ZNF438: variants seen among roughly 807,000 people sequenced by gnomAD.
ZNF438 encodes zinc finger protein 438.
A neutral mutation model predicts 38.0 loss-of-function variants in ZNF438; 25 were observed. The observed-to-expected ratio is 0.66, with a 90% CI of 0.48 to 0.92. The LOEUF is 0.92. ZNF438 is among the 40% of genes least tolerant of loss of function. The probability of loss-of-function intolerance (pLI) is 0.00; values close to 1 mark genes in which losing one functional copy is unlikely to be tolerated. For synonymous variants in ZNF438, 372 were observed against 364.1 expected, an observed-to-expected ratio of 1.02 and a Z score of -0.25; for missense variants, 1,007 against 999.6, an observed-to-expected ratio of 1.01 and a Z score of -0.10.
chr10:30,894,011 A>G (rs77353954), intron 3 of ZNF438, among the ~76,000 whole-genome samples: 7,359 of 152,326 alleles, frequency 0.048, 241 homozygotes, highest in Middle Eastern at 0.075. Flanking sequence ...GTACTGTTGC[A>G]CACAGCAAAA....
intron 1 of ZNF438, among the ~76,000 whole-genome samples, chr10:31,018,716 G>GAGAGAGATAGGCAA (rs1283580782): frequency 4.6e-5 from 7 of 152,300 alleles, no homozygotes; most frequent in African/African-American, 1.7e-4. Flanking sequence ...CTTGAAACAA[G>GAGAGAGATAGGCAA]AGAGAGATAG....
chr10:30,925,378 A>G (rs1368366245), intron 2 of ZNF438, among the ~76,000 whole-genome samples: 1 of 152,248 alleles, frequency 6.6e-6, no homozygotes, highest in Non-Finnish European at 1.5e-5. Flanking sequence ...TTTCTACTAC[A>G]GAGATAACAA....
At chr10:30,972,026 G>A (rs2050796655) in intron 1 of ZNF438, among the ~76,000 whole-genome samples, 1 of 150,980 alleles carries the variant, frequency 6.6e-6, no homozygotes, top group African/African-American at 2.4e-5. Context: ...CTGGAGTGCA[G>A]TGGCACAATC....
intron 1 of ZNF438, among the ~76,000 whole-genome samples, chr10:30,943,357 G>A (rs1326912350): frequency 6.6e-6 from 1 of 152,080 alleles, no homozygotes; most frequent in East Asian, 1.9e-4. Context: ...CATCTATTGA[G>A]ACAGAGGGAA....
intron 4 of ZNF438, among the ~76,000 whole-genome samples, chr10:30,861,307 G>A (rs1462539098): frequency 6.6e-6 from 1 of 152,036 alleles, no homozygotes; most frequent in Non-Finnish European, 1.5e-5. Context: ...AGGGAATGAT[G>A]ACAAGGAAAA....
At chr10:31,024,373 T>C (rs760093641) in intron 1 of ZNF438, among the ~76,000 whole-genome samples, 4 of 152,202 alleles carry the variant, frequency 2.6e-5, no homozygotes, top group Non-Finnish European at 5.9e-5. Context: ...ACGCCTGTAA[T>C]CCTAGCACTT....
At chr10:30,848,273 G>A (rs1482252181) in intron 5 of ZNF438, among the ~76,000 whole-genome samples, 20 of 152,092 alleles carry the variant, frequency 1.3e-4, no homozygotes, top group Non-Finnish European at 4.4e-5. Flanking sequence ...GTGATTTTGG[G>A]GGAAATTACT....
rs146765572 is a variant in ZNF438, at chr10:31,020,136, C to T, written c.-192+11697G>A. Among the ~76,000 whole-genome samples, 48 of 152,242 alleles carry T rather than the reference C, an allele frequency of 3.2e-4. No homozygotes were observed. In the East Asian group the frequency reaches 9.1e-3, roughly 29 times the overall value. On this transcript the variant is annotated intron_variant, in intron 1 of 5. Transcript: ENST00000413025. ...ACATTTCAAATCCATTTATTTCATA[C>T]TGCAGATAACAAGAATAATGCTAGT...
intron 2 of ZNF438, among the ~76,000 whole-genome samples, chr10:30,934,172 A>AG (rs397823574): frequency 3.1e-4 from 47 of 151,070 alleles, no homozygotes; most frequent in African/African-American, 1.1e-3. Flanking sequence ...AAAAAAAAAA[A>AG]GAAATCAGCA....
intron 3 of ZNF438, among the ~76,000 whole-genome samples, chr10:30,901,344 G>T (rs1279014987): frequency 1.3e-5 from 2 of 152,182 alleles, no homozygotes; most frequent in South Asian, 4.1e-4. Flanking sequence ...TGGGTTCTTG[G>T]TCTCACTGAC....
chr10:30,995,293 A>G (rs1252023711), intron 1 of ZNF438, among the ~76,000 whole-genome samples: 1 of 152,198 alleles, frequency 6.6e-6, no homozygotes, highest in Non-Finnish European at 1.5e-5. Flanking sequence ...GCAGCCCCCA[A>G]TACGATTAAC....
chr10:30,935,747 G>A (rs1012547065), intron 2 of ZNF438, among the ~76,000 whole-genome samples: 3 of 152,168 alleles, frequency 2.0e-5, no homozygotes, highest in Admixed American at 1.3e-4. Context: ...ATGGCAAAAG[G>A]AAGCAGGCAC....
chr10:30,915,440 A>C (rs2043514356), intron 2 of ZNF438, among the ~76,000 whole-genome samples: 1 of 152,050 alleles, frequency 6.6e-6, no homozygotes, highest in Admixed American at 6.6e-5. Flanking sequence ...ATCTTGCTGG[A>C]TATCTAGCAC....
chr10:31,030,037 A>C (rs2057184591), intron 1 of ZNF438, among the ~76,000 whole-genome samples: 1 of 152,202 alleles, frequency 6.6e-6, no homozygotes, highest in Admixed American at 6.5e-5. Flanking sequence ...TATGAAAGGG[A>C]GATACTAGGT....
In ZNF438 at chr10:30,929,923, T is replaced by C. The variant is rs112923858; in HGVS notation, c.-115+11652A>G. 4.7e-3 allele frequency among the ~76,000 whole-genome samples: 712 copies of C among 152,324 alleles called. 9 individuals carry two copies. Among genetic ancestry groups the C allele is most frequent in the African/African-American group, 0.016 (661 of 41,574 alleles). On this transcript the variant is annotated intron_variant, in intron 2 of 5. Transcript: ENST00000413025. ...CCCCAAGCTAGACACAGAGTGCTGA[T>C]TGGTGCATTTACAATCCTCCAGCTA...
intron 5 of ZNF438, 145 bp from the exon 7 acceptor site, chr10:30,845,718 G>A: frequency 1.1e-6 from 1 of 946,038 alleles, no homozygotes; most frequent in Non-Finnish European, 1.5e-6. Flanking sequence ...CACCTGGGAA[G>A]ACCTTCTGCA....
intron 1 of ZNF438, among the ~76,000 whole-genome samples, chr10:31,024,832 C>T (rs1301318838): frequency 6.6e-6 from 1 of 152,052 alleles, no homozygotes; most frequent in South Asian, 2.1e-4. Context: ...AGATATAAAC[C>T]ATGAAACTGT....
Position 31,010,892 on chromosome 10 carries a change from GAAAAAAAA to G in ZNF438, c.-192+20933_-192+20940del, listed in dbSNP as rs563189482. On this transcript the variant is annotated intron_variant, in intron 1 of 5. Transcript: ENST00000413025. ...TGGATAACGAAGTGAGACCCTGTTT[GAAAAAAAA>G]AAAAAAAAAAAAAAAAAAAAAAGAT... 3.4e-3 allele frequency among the ~76,000 whole-genome samples: 312 copies of G among 92,566 alleles called. 8 individuals are homozygous for G. Among genetic ancestry groups the G allele is most frequent in the African/African-American group, 0.016 (290 of 18,690 alleles). The allele number at this position is 92,566 out of a possible 152,430, so 60.7% of individuals were successfully genotyped here.
intron 1 of ZNF438, among the ~76,000 whole-genome samples, chr10:31,008,743 A>T (rs933102281): frequency 6.6e-6 from 1 of 152,192 alleles, no homozygotes; most frequent in East Asian, 1.9e-4. Flanking sequence ...GCATTTATGT[A>T]TAAGTTTTTG....
Sources: allele counts gnomAD v4.1 joint callset (sites outside exome capture counted in the v4.1 genomes callset), GRCh38; gene constraint gnomAD v4.1.1; transcripts MANE v1.5; gene names NCBI Gene and HGNC (gene_info 2026-07-23, HGNC 2026-07-21).